The following SMG6 variants were observed in gnomAD, a reference collection of about 807,000 sequenced individuals.
The protein encoded by SMG6 is SMG6 nonsense mediated mRNA decay factor, also known as telomerase-binding protein EST1A.
A neutral mutation model predicts 142.2 loss-of-function variants in SMG6; 66 were observed. The observed-to-expected ratio is 0.46, with a 90% CI of 0.38 to 0.57. SMG6 has a LOEUF of 0.57. SMG6 is among the 20% of genes least tolerant of loss of function. SMG6 has a pLI of 0.00. For missense variants in SMG6, 1,793 were observed against 1,832.0 expected, an observed-to-expected ratio of 0.98 and a Z score of 0.39; for synonymous variants, 779 against 702.4, an observed-to-expected ratio of 1.11 and a Z score of -1.72.
chr17:2,139,935 A>G (rs2070424581), intron 13 of SMG6, among the ~76,000 whole-genome samples: 1 of 152,112 alleles, frequency 6.6e-6, no homozygotes, highest in Non-Finnish European at 1.5e-5. Context: ...CATGTTGCCC[A>G]GGCTGCTCTC....
chr17:2,120,156 G>C (rs1484572103), intron 13 of SMG6, among the ~76,000 whole-genome samples: 2 of 152,086 alleles, frequency 1.3e-5, no homozygotes, highest in Admixed American at 6.6e-5. Context: ...TCATCACTTG[G>C]GATTTTTAGC....
chr17:2,295,587 G>A (rs1430678324), intron 4 of SMG6, among the ~76,000 whole-genome samples: 1 of 152,052 alleles, frequency 6.6e-6, no homozygotes, highest in Non-Finnish European at 1.5e-5. Flanking sequence ...CTTAACATTT[G>A]ACAGCTCCAT....
Position 2,300,249 on chromosome 17 carries a change from G to A in SMG6, c.504C>T (p.Val168=), listed in dbSNP as rs1230182919. ...ESASRVEEEE[V]LNQVEQLRVE... Reference sequence around the variant, plus strand: ...CTCTCAGTTGTTCTACCTGGTTGAGGACTTCTTCCTCCTCCACCCGACTGG... The same window carrying A: ...CTCTCAGTTGTTCTACCTGGTTGAGAACTTCTTCCTCCTCCACCCGACTGG... Residue 168 remains valine (V), a synonymous_variant, in exon 2 of 19, where the codon GTC becomes GTT. Coordinates refer to ENST00000263073, the MANE Select transcript of SMG6 (RefSeq NM_017575.5). The A allele has an allele frequency of 6.2e-7, 1 of 1,614,118 alleles. No individual in the cohort carries two copies.
chr17:2,107,841 G>T (rs776046910), intron 13 of SMG6, among the ~76,000 whole-genome samples: 4 of 152,182 alleles, frequency 2.6e-5, no homozygotes, highest in African/African-American at 4.8e-5. Flanking sequence ...GGTGCCGAAA[G>T]GAGGCCAGCA....
intron 13 of SMG6, among the ~76,000 whole-genome samples, chr17:2,110,081 C>CAAA (rs57135671): frequency 2.3e-3 from 205 of 87,850 alleles, no homozygotes; most frequent in African/African-American, 5.7e-3. Context: ...GATTCCATCT[C>CAAA]AAAAAAAAAA....
At chr17:2,137,622 T>G (rs1281511347) in intron 13 of SMG6, among the ~76,000 whole-genome samples, 1 of 151,902 alleles carries the variant, frequency 6.6e-6, no homozygotes, top group African/African-American at 2.4e-5. Context: ...TGGCTGACCC[T>G]GATTAAGTGA....
At chr17:2,122,977 C>T (rs59894887) in intron 13 of SMG6, among the ~76,000 whole-genome samples, 2,053 of 152,334 alleles carry the variant, frequency 0.013, 41 homozygotes, top group African/African-American at 0.046. Flanking sequence ...GAAAGCCACT[C>T]TCTGTAAATG....
intron 8 of SMG6, among the ~76,000 whole-genome samples, chr17:2,262,575 C>A (rs1197885274): frequency 2.0e-5 from 3 of 152,204 alleles, no homozygotes; most frequent in Admixed American, 6.5e-5. Flanking sequence ...CAGCTGACCA[C>A]ATCTACCTAA....
intron 8 of SMG6, among the ~76,000 whole-genome samples, chr17:2,276,149 T>C (rs1170388315): frequency 1.3e-5 from 2 of 152,218 alleles, no homozygotes; most frequent in Non-Finnish European, 2.9e-5. Context: ...TTTGTTTCAT[T>C]GCCATAAATA....
At chr17:2,171,250 G>T (rs866350113) in intron 13 of SMG6, among the ~76,000 whole-genome samples, 19 of 151,540 alleles carry the variant, frequency 1.3e-4, no homozygotes, top group Middle Eastern at 3.4e-3. Context: ...CTCCAGCCTG[G>T]GCAACAGAGT....
At chr17:2,198,830 G>C (rs1464633390) in intron 10 of SMG6, among the ~76,000 whole-genome samples, 1 of 151,794 alleles carries the variant, frequency 6.6e-6, no homozygotes, top group Non-Finnish European at 1.5e-5. Flanking sequence ...CCAGATGCTG[G>C]AGCCCCTTGT....
At chr17:2,064,788 A>G (rs1567565710) in intron 18 of SMG6, among the ~76,000 whole-genome samples, 1 of 151,814 alleles carries the variant, frequency 6.6e-6, no homozygotes, top group Non-Finnish European at 1.5e-5. Context: ...CACTGAGGAC[A>G]CCCAAGAAAG....
intron 4 of SMG6, among the ~76,000 whole-genome samples, chr17:2,295,118 T>C (rs1269180395): frequency 6.6e-6 from 1 of 152,152 alleles, no homozygotes; most frequent in Non-Finnish European, 1.5e-5. Flanking sequence ...CCTCAGGTGA[T>C]CTGCCTGCCT....
At chr17:2,104,718 T>C (rs907682035) in intron 13 of SMG6, among the ~76,000 whole-genome samples, 3 of 152,104 alleles carry the variant, frequency 2.0e-5, no homozygotes, top group Non-Finnish European at 4.4e-5. Context: ...TGTTATTTCA[T>C]TTGATTATCA....
rs892648925 is a variant in SMG6, at chr17:2,297,763, G to T, written c.2040+100C>A. 4.4e-6 allele frequency: 6 copies of T among 1,375,478 alleles called. No individual in the cohort carries two copies. The African/African-American group carries it at 7.4e-5, about 17-fold the overall frequency. 85.2% of individuals were successfully genotyped at this position (1,375,478 alleles called of 1,614,324 possible). A position where few individuals can be genotyped will look rare whatever the true frequency, so the allele number is the denominator to read the frequency against. On this transcript the variant is annotated intron_variant, in intron 3 of 18. Transcript: ENST00000263073. ...CCAAGAAAAGGGCAGTTTTTTTGTCGATATTCTGTTCTAAAACATAGTATT... is the reference window on the plus strand; with the variant it reads ...CCAAGAAAAGGGCAGTTTTTTTGTCTATATTCTGTTCTAAAACATAGTATT...
chr17:2,100,588 T>C (rs2068978829), intron 13 of SMG6, among the ~76,000 whole-genome samples: 1 of 152,246 alleles, frequency 6.6e-6, no homozygotes, highest in Non-Finnish European at 1.5e-5. Context: ...AAACATTTTA[T>C]TCTATGAGAC....
intron 13 of SMG6, among the ~76,000 whole-genome samples, chr17:2,137,007 T>TA (rs986472113): frequency 6.6e-6 from 1 of 151,716 alleles, no homozygotes; most frequent in African/African-American, 2.4e-5. Context: ...AAAAATAAAA[T>TA]AAAAAAATTA....
At chr17:2,191,782 T>C (rs1467007644) in intron 10 of SMG6, among the ~76,000 whole-genome samples, 3 of 152,184 alleles carry the variant, frequency 2.0e-5, no homozygotes, top group Non-Finnish European at 4.4e-5. Context: ...AGGGAGACTT[T>C]CTCGTTTTTC....
intron 13 of SMG6, among the ~76,000 whole-genome samples, chr17:2,105,081 T>A (rs1224692140): frequency 3.0e-5 from 4 of 133,914 alleles, no homozygotes; most frequent in Non-Finnish European, 4.6e-5. Context: ...CACACCCAGC[T>A]AATTTTTTTT....
Sources: gnomAD v4.1 joint callset for allele counts (sites outside exome capture counted in the v4.1 genomes callset) on GRCh38, gnomAD v4.1.1 for gene constraint, MANE v1.5 for transcripts, NCBI Gene and HGNC (gene_info 2026-07-23, HGNC 2026-07-21) for gene names.